Variants in HDAC4 observed in about 807,000 individuals in gnomAD.
HDAC4 encodes the protein histone deacetylase A.
In HDAC4, 16 loss-of-function variants were observed where a neutral mutation model predicts 135.1. The ratio of observed to expected loss-of-function variants is 0.12; its 90% CI spans 0.08 to 0.18. HDAC4 has a LOEUF of 0.18. Ranked by LOEUF, HDAC4 falls within the 10% of genes least tolerant of loss-of-function variation. HDAC4 has a pLI of 1.00. For synonymous variants in HDAC4, 685 were observed against 653.4 expected (o/e 1.05, Z -0.74); for missense variants, 1,143 against 1,511.8 (o/e 0.76, Z 4.05).
At chr2:239,112,747 A>C (rs1317048901) in intron 13 of HDAC4, among the ~76,000 whole-genome samples, 1 of 152,238 alleles carries the variant, frequency 6.6e-6, no homozygotes, top group East Asian at 1.9e-4. Context: ...AGGCACAAAG[A>C]AAGCCGGGCG....
chr2:239,080,634 G>A (rs1379413418), intron 22 of HDAC4, among the ~76,000 whole-genome samples: 2 of 152,222 alleles, frequency 1.3e-5, no homozygotes, highest in Admixed American at 6.5e-5. Context: ...ACAGCCACAC[G>A]AAGGAAATGG....
intron 3 of HDAC4, among the ~76,000 whole-genome samples, chr2:239,215,065 G>T (rs1045224124): frequency 6.6e-6 from 1 of 152,242 alleles, no homozygotes; most frequent in Admixed American, 6.5e-5. Context: ...CATTCGAGCG[G>T]CAGAATCAAG....
At chr2:239,192,706 C>T (rs946981988) in intron 3 of HDAC4, among the ~76,000 whole-genome samples, 5 of 152,194 alleles carry the variant, frequency 3.3e-5, no homozygotes, top group Admixed American at 2.6e-4. Flanking sequence ...CTGTGATTGG[C>T]ACGCGGTTCT....
chr2:239,370,761 A>G (rs1368222637), intron 1 of HDAC4, among the ~76,000 whole-genome samples: 1 of 152,200 alleles, frequency 6.6e-6, no homozygotes, highest in African/African-American at 2.4e-5. Context: ...CACCCACTGG[A>G]CTTGGGCTTG....
At chr2:239,267,376 A>G (rs2125181360) in intron 2 of HDAC4, among the ~76,000 whole-genome samples, 1 of 152,334 alleles carries the variant, frequency 6.6e-6, no homozygotes, top group East Asian at 1.9e-4. Context: ...GAAGAGCACC[A>G]GTGGCCAACA....
At chr2:239,323,370 G>A (rs945118773) in intron 2 of HDAC4, among the ~76,000 whole-genome samples, 1 of 152,192 alleles carries the variant, frequency 6.6e-6, no homozygotes, top group African/African-American at 2.4e-5. Flanking sequence ...GTCTGGCAGG[G>A]TAAAGAGAGC....
intron 3 of HDAC4, among the ~76,000 whole-genome samples, chr2:239,204,475 C>A (rs963662363): frequency 6.6e-6 from 1 of 152,222 alleles, no homozygotes; most frequent in African/African-American, 2.4e-5. Flanking sequence ...GGCAGGCAGG[C>A]TGCGATGGGC....
intron 2 of HDAC4, among the ~76,000 whole-genome samples, chr2:239,276,805 A>C (rs2050395444): frequency 6.6e-6 from 1 of 152,234 alleles, no homozygotes; most frequent in African/African-American, 2.4e-5. Context: ...GAGGGAGGCC[A>C]GGGGGAATGA....
chr2:239,277,761 C>A (rs1042899418), intron 2 of HDAC4, among the ~76,000 whole-genome samples: 1 of 152,232 alleles, frequency 6.6e-6, no homozygotes, highest in Admixed American at 6.5e-5. Flanking sequence ...CAAACTCACA[C>A]AGAAAACACC....
At chr2:239,107,598 T>TA (rs1381918752) in intron 15 of HDAC4, among the ~76,000 whole-genome samples, 2 of 152,270 alleles carry the variant, frequency 1.3e-5, no homozygotes, top group East Asian at 1.9e-4. Context: ...TTCAAAATCT[T>TA]AAAAAAAGAG....
rs1249964435 is a variant in HDAC4 at position 239,312,441 on chromosome 2, C to T, written c.22+40237G>A. Among the ~76,000 whole-genome samples, 5 of 152,170 alleles carry T rather than the reference C, an allele frequency of 3.3e-5. 1 individual carries two copies. The highest frequency in any genetic ancestry group is 4.1e-4 in the South Asian group (2 of 4,832). ...AGCCCACACGCAGGGCACGCACGCACGTAGTTCCACATTAGGCCCTTTCTT... is the reference window on the plus strand; with the variant it reads ...AGCCCACACGCAGGGCACGCACGCATGTAGTTCCACATTAGGCCCTTTCTT... On this transcript the variant is annotated intron_variant, in intron 2 of 26. Transcript: ENST00000543185.
chr2:239,232,568 T>G (rs1438420659), intron 3 of HDAC4, among the ~76,000 whole-genome samples: 1 of 120,946 alleles, frequency 8.3e-6, no homozygotes, highest in African/African-American at 3.2e-5. Context: ...AAGCCAAGGG[T>G]GGCCCTTCCC....
chr2:239,189,810 C>T (rs757783269), intron 4 of HDAC4, 23 bp downstream of exon 4: 45 of 1,595,790 alleles, frequency 2.8e-5, no homozygotes, highest in Middle Eastern at 2.2e-4. Context: ...CTGGCCCACC[C>T]GCAGCCCCGC....
chr2:239,268,806 A>G (rs1486335216), intron 2 of HDAC4, among the ~76,000 whole-genome samples: 1 of 152,234 alleles, frequency 6.6e-6, no homozygotes, highest in African/African-American at 2.4e-5. Flanking sequence ...AGGGTCAGAC[A>G]GGCAAGCTTT....
At chr2:239,375,150 G>A (rs939837477) in intron 1 of HDAC4, among the ~76,000 whole-genome samples, 2 of 152,206 alleles carry the variant, frequency 1.3e-5, no homozygotes, top group Non-Finnish European at 2.9e-5. Context: ...CTGACATTGG[G>A]AACCAGGCAG....
chr2:239,313,114 C>G lies in HDAC4; in HGVS notation c.22+39564G>C, dbSNP rs1021338110. Among the ~76,000 whole-genome samples, 2 of 152,222 alleles carry G rather than the reference C, an allele frequency of 1.3e-5. No homozygotes were observed. The highest frequency in any genetic ancestry group is 2.4e-5 in the African/African-American group (1 of 41,462). Reference sequence around the variant, plus strand: ...GGCTTGGGCTCTGTCCCGTGCCTCCCCGGGGGCGTTCCGAGGTGGCGGAGG... The same window carrying G: ...GGCTTGGGCTCTGTCCCGTGCCTCCGCGGGGGCGTTCCGAGGTGGCGGAGG... On this transcript the variant is annotated intron_variant, in intron 2 of 26. Coordinates refer to ENST00000543185, the MANE Select transcript of HDAC4 (RefSeq NM_001378414.1). This position sits in a 1 kb window ranked among gnomAD's most constrained non-coding sequence, Gnocchi z 5.1.
At chr2:239,123,134 G>C (rs1467181864) in intron 12 of HDAC4, among the ~76,000 whole-genome samples, 1 of 152,240 alleles carries the variant, frequency 6.6e-6, no homozygotes. Flanking sequence ...TACGGCATGT[G>C]AATAGGTGTT....
intron 11 of HDAC4, among the ~76,000 whole-genome samples, chr2:239,133,227 G>C (rs2040719013): frequency 6.6e-6 from 1 of 152,176 alleles, no homozygotes; most frequent in South Asian, 2.1e-4. Context: ...CACCAGACTA[G>C]TCAAGCCAGA....
chr2:239,275,275 C>T (rs1490862015), intron 2 of HDAC4, among the ~76,000 whole-genome samples: 1 of 152,260 alleles, frequency 6.6e-6, no homozygotes, highest in Non-Finnish European at 1.5e-5. Context: ...TGGAGCCAGG[C>T]TGCCGGCAAA....
Sources: allele counts gnomAD v4.1 joint callset (sites outside exome capture counted in the v4.1 genomes callset), GRCh38; gene constraint gnomAD v4.1.1; non-coding constraint Gnocchi (gnomAD v3.1); transcripts MANE v1.5; gene names NCBI Gene and HGNC (gene_info 2026-07-23, HGNC 2026-07-21).